The following ANK2 variants were observed in gnomAD, a reference collection of about 807,000 sequenced individuals.
The protein encoded by ANK2 is ankyrin 2, also known as ankyrin-2.
In ANK2, 83 loss-of-function variants were observed where a neutral mutation model predicts 360.5. The observed-to-expected ratio is 0.23, with a 90% CI of 0.19 to 0.28. ANK2 has a LOEUF of 0.28. ANK2 is among the 10% of genes least tolerant of loss of function. ANK2 has a pLI of 1.00. For missense variants in ANK2, 4,201 were observed against 4,795.7 expected, an observed-to-expected ratio of 0.88 and a Z score of 3.66; for synonymous variants, 1,740 against 1,759.5, an observed-to-expected ratio of 0.99 and a Z score of 0.28.
chr4:113,139,745 G>A (rs2096571249), intron 1 of ANK2, among the ~76,000 whole-genome samples: 1 of 152,208 alleles, frequency 6.6e-6, no homozygotes, highest in African/African-American at 2.4e-5. Flanking sequence ...ATTGCGTGGA[G>A]TAGCCTTCGG....
At position 113,292,396 on chromosome 4, in the gene ANK2, G is replaced by A. The variant is rs1323464610; in HGVS notation, c.2278-20G>A. 6.3e-6 allele frequency: 10 copies of A among 1,599,790 alleles called. No individual in the cohort carries two copies. Among genetic ancestry groups the A allele is most frequent in the Middle Eastern group, 1.6e-4 (1 of 6,072 alleles). ...CCTCTGCCAATCGGGTGCTGGGCCCGCCACCACTGTCCTCCACAGAACGGC... is the reference window on the plus strand; with the variant it reads ...CCTCTGCCAATCGGGTGCTGGGCCCACCACCACTGTCCTCCACAGAACGGC... On this transcript the variant is annotated intron_variant, in intron 20 of 45. Coordinates refer to ENST00000357077, the MANE Select transcript of ANK2 (RefSeq NM_001148.6).
chr4:112,730,652 A>AG, the ANK2 span, among the ~76,000 whole-genome samples: 1 of 150,604 alleles, frequency 6.6e-6, no homozygotes, highest in Admixed American at 6.6e-5. Flanking sequence ...AAAAAAAAAA[A>AG]AAAAAAGAAA....
intron 28 of ANK2, among the ~76,000 whole-genome samples, chr4:113,332,713 G>A (rs562731536): frequency 2.0e-5 from 3 of 152,218 alleles, no homozygotes; most frequent in Non-Finnish European, 4.4e-5. Flanking sequence ...TGTCGAAAAT[G>A]TTTTAGGAGA....
the ANK2 span, among the ~76,000 whole-genome samples, chr4:112,728,786 C>A: frequency 6.6e-6 from 1 of 152,038 alleles, no homozygotes; most frequent in Non-Finnish European, 1.5e-5. Flanking sequence ...CATGTATATA[C>A]ACAGAAAATT....
intron 1 of ANK2, among the ~76,000 whole-genome samples, chr4:113,068,068 CAT>C (rs746409379): frequency 8.5e-5 from 13 of 152,162 alleles, no homozygotes; most frequent in Non-Finnish European, 1.8e-4. Flanking sequence ...AAAGCCAAAA[CAT>C]AGCATCTCTC....
intron 4 of ANK2, among the ~76,000 whole-genome samples, chr4:113,200,738 C>A (rs928671780): frequency 2.6e-5 from 4 of 152,120 alleles, no homozygotes; most frequent in Non-Finnish European, 5.9e-5. Context: ...TTGATGAACA[C>A]TTAGGTTGAT....
At position 113,336,637 on chromosome 4, in the gene ANK2, C is replaced by T. The variant is rs754740031; in HGVS notation, c.3652C>T (p.Pro1218Ser). 4.8e-5 allele frequency: 77 copies of T among 1,613,944 alleles called. No homozygotes were observed. Among genetic ancestry groups the T allele is most frequent in the Non-Finnish European group, 6.1e-5 (72 of 1,180,014 alleles). ...KILGNKATFS[P>S]IVTLEPRRRK... Reference sequence around the variant, plus strand: ...CCTAGGCAACAAAGCTACCTTCAGCCCTATAGTCACTTTGGAACCTAGAAG... The same window carrying T: ...CCTAGGCAACAAAGCTACCTTCAGCTCTATAGTCACTTTGGAACCTAGAAG... Residue 1218 changes from proline to serine, a missense_variant, in exon 31 of 46, where the codon CCT becomes TCT. Physicochemically the swap from Pro to Ser is moderately conservative, Grantham distance 74. Coordinates refer to ENST00000357077, the MANE Select transcript of ANK2 (RefSeq NM_001148.6).
chr4:112,867,913 A>G (rs116252490), intron 1 of ANK2, among the ~76,000 whole-genome samples: 4,501 of 152,272 alleles, frequency 0.03, 88 homozygotes, highest in Middle Eastern at 0.041. Context: ...TCTTGGATGT[A>G]TACCTATGAG....
intron 26 of ANK2, among the ~76,000 whole-genome samples, chr4:113,321,554 T>C (rs2086259345): frequency 6.6e-6 from 1 of 152,240 alleles, no homozygotes; most frequent in South Asian, 2.1e-4. Context: ...AAAGCTACCA[T>C]GATATTAATG....
chr4:112,876,112 G>T (rs1008398375), intron 1 of ANK2, among the ~76,000 whole-genome samples: 1 of 151,606 alleles, frequency 6.6e-6, no homozygotes, highest in African/African-American at 2.4e-5. Context: ...ATTTAATGTG[G>T]GTTTTGAATG....
At position 113,255,870 on chromosome 4, in the gene ANK2, G is replaced by A; in HGVS notation, c.1126G>A (p.Gly376Ser). The A allele has an allele frequency of 6.2e-7, 1 of 1,614,170 alleles. No individual in the cohort carries two copies. The highest frequency in any genetic ancestry group is 1.1e-5 in the South Asian group (1 of 91,082). Residue 376 changes from glycine to serine, a missense_variant, in exon 11 of 46, where the codon GGC becomes AGC. This residue lies in a region of ANK2 where 1,268 missense variants were observed against 1,650.8 expected (regional missense o/e 0.77). Coordinates refer to ENST00000357077, the MANE Select transcript of ANK2 (RefSeq NM_001148.6). ...LTALHVAAHCGHYRVTKLLLD... is the reference protein window; with the variant it reads ...LTALHVAAHCSHYRVTKLLLD... Reference sequence around the variant, plus strand: ...AGCCCTCCACGTTGCTGCGCACTGTGGCCACTACCGTGTAACCAAACTCCT... The same window carrying A: ...AGCCCTCCACGTTGCTGCGCACTGTAGCCACTACCGTGTAACCAAACTCCT...
chr4:112,800,277 C>T, the ANK2 span, among the ~76,000 whole-genome samples: 1 of 152,186 alleles, frequency 6.6e-6, no homozygotes, highest in Non-Finnish European at 1.5e-5. Context: ...CTTCAGACTA[C>T]ATTTTTTCAA....
chr4:113,145,666 G>C, intron 1 of ANK2: 9 of 1,132,268 alleles, frequency 7.9e-6, no homozygotes, highest in Non-Finnish European at 9.9e-6. Flanking sequence ...GCAGCCTGCA[G>C]TTGCCGGGGG....
At chr4:113,078,847 C>G (rs1306465503) in intron 1 of ANK2, among the ~76,000 whole-genome samples, 2 of 152,272 alleles carry the variant, frequency 1.3e-5, no homozygotes, top group Non-Finnish European at 2.9e-5. Context: ...TTTAGCCATT[C>G]ACATAAAAAT....
At chr4:113,362,991 T>C (rs1167715616) in intron 39 of ANK2, among the ~76,000 whole-genome samples, 1 of 152,214 alleles carries the variant, frequency 6.6e-6, no homozygotes, top group African/African-American at 2.4e-5. Flanking sequence ...TTGTTATCAG[T>C]CATTTATTTT....
chr4:113,117,807 C>A (rs10022885), intron 1 of ANK2, among the ~76,000 whole-genome samples: 102,420 of 151,890 alleles, frequency 0.67, 34,781 homozygotes, highest in Non-Finnish European at 0.68. Context: ...CTCTATTACT[C>A]TATCTTTAGC....
chr4:112,739,927 T>C, the ANK2 span, among the ~76,000 whole-genome samples: 1 of 151,946 alleles, frequency 6.6e-6, no homozygotes, highest in Non-Finnish European at 1.5e-5. Flanking sequence ...GCCTGGGAGG[T>C]CAAGACTGCA....
At chr4:113,310,653 G>T (rs1015865540) in intron 23 of ANK2, among the ~76,000 whole-genome samples, 1 of 152,182 alleles carries the variant, frequency 6.6e-6, no homozygotes, top group Admixed American at 6.5e-5. Flanking sequence ...CTGACCTCAG[G>T]TGATCCACCT....
the ANK2 span, among the ~76,000 whole-genome samples, chr4:112,801,653 G>A: frequency 6.6e-6 from 1 of 152,010 alleles, no homozygotes; most frequent in African/African-American, 2.4e-5. Context: ...AGTCTTTCTT[G>A]GAAAAAACAG....
Sources: gnomAD v4.1 joint callset for allele counts (sites outside exome capture counted in the v4.1 genomes callset) on GRCh38, gnomAD v4.1.1 for gene constraint, gnomAD v4.1.1 regional missense constraint, MANE v1.5 for transcripts, NCBI Gene and HGNC (gene_info 2026-07-23, HGNC 2026-07-21) for gene names.